FDPS: variants seen among roughly 807,000 people sequenced by gnomAD.
FDPS encodes the protein farnesyl pyrophosphate synthase.
Under a neutral mutation model 49.5 loss-of-function variants are expected in FDPS, and 29 were observed. That is an observed-to-expected ratio of 0.59 (90% CI 0.44 to 0.80). FDPS has a LOEUF of 0.80. Among genes scored for constraint, FDPS ranks in the 30% least tolerant of loss-of-function variants. FDPS has a pLI of 0.00. For synonymous variants in FDPS, 172 were observed against 206.4 expected (o/e 0.83, Z 1.43); for missense variants, 414 against 525.6 (o/e 0.79, Z 2.08).
rs768535780 is a variant in FDPS, at chr1:155,318,870, T to C, written c.788T>C (p.Val263Ala). 1.2e-6 allele frequency: 2 copies of C among 1,613,576 alleles called. No individual in the cohort carries two copies. Among genetic ancestry groups the C allele is most frequent in the South Asian group, 1.1e-5 (1 of 91,064 alleles). The change falls in exon 8 of 11, where the codon GTC (valine) becomes GCC (alanine). Residue 263 changes from valine to alanine, a missense_variant. Coordinates refer to ENST00000368356, the MANE Select transcript of FDPS (RefSeq NM_002004.4). The surrounding 1 kb of genome is among the most constrained non-coding windows in gnomAD (Gnocchi z 4.2). ...CCCTTACTCAGGTACAAATCTATTG[T>C]CAAGTACAAGACAGCTTTCTACTCC... ...RFTEKRYKSI[V>A]KYKTAFYSFY...
chr1:155,315,712 A>C (rs1243229745), intron 4 of FDPS, among the ~76,000 whole-genome samples: 2 of 151,246 alleles, frequency 1.3e-5, no homozygotes, highest in Non-Finnish European at 2.9e-5. Flanking sequence ...AAAAACAAAA[A>C]AAAAATTAGC....
chr1:155,315,867 CAA>C (rs1267885482), intron 4 of FDPS, among the ~76,000 whole-genome samples: 2 of 129,404 alleles, frequency 1.5e-5, no homozygotes. Flanking sequence ...AACTCCATCT[CAA>C]AAAAAAAAAA....
rs767089792 is a variant in FDPS, at chr1:155,310,248, T to C, written c.339+43T>C. On this transcript the variant is annotated intron_variant, in intron 3 of 10. Coordinates refer to ENST00000368356, the MANE Select transcript of FDPS (RefSeq NM_002004.4). ...TGGGGGAGTAAGGCTTTGGTTCAGT[T>C]GCTCTGTACCTGTGTGGCATTCACC... 1.2e-5 allele frequency: 19 copies of C among 1,595,184 alleles called. No homozygotes were observed. The South Asian group carries it at 2.1e-4, about 18-fold the overall frequency.
intron 3 of FDPS, 40 bp downstream of exon 3, chr1:155,310,245 A>G (rs751080220): frequency 1.2e-6 from 2 of 1,603,972 alleles, no homozygotes; most frequent in South Asian, 2.2e-5. Flanking sequence ...GCTTTGGTTC[A>G]GTTGCTCTGT....
intron 8 of FDPS, 141 bp from the exon 9 acceptor site, chr1:155,319,470 T>G: frequency 1.2e-6 from 1 of 811,850 alleles, no homozygotes; most frequent in South Asian, 1.6e-5. Flanking sequence ...CAGTCAGGAC[T>G]GTCTAGGTCA....
chr1:155,309,792 GC>G lies in FDPS; in HGVS notation c.7del (p.Leu3CysfsTer5). ...CCCCTCCCTATGCCACTCCCAGGAT[GC>G]CCCTGTCCCGCTGGTTGAGATCTGT... MPLSRWLRSVGV... is the reference protein window; with the variant it reads MXLSRWLRSVGV... On this transcript the variant is annotated frameshift_variant, in exon 2 of 11. Coordinates refer to ENST00000368356, the MANE Select transcript of FDPS (RefSeq NM_002004.4). LOFTEE classifies it high-confidence loss of function. 2.6e-6 allele frequency: 4 copies of G among 1,544,636 alleles called. No individual in the cohort carries two copies. Among genetic ancestry groups the G allele is most frequent in the Non-Finnish European group, 3.5e-6 (4 of 1,138,406 alleles).
intron 4 of FDPS, among the ~76,000 whole-genome samples, chr1:155,313,697 T>C (rs57041449): frequency 0.018 from 2,681 of 150,830 alleles, 82 homozygotes; most frequent in African/African-American, 0.059. Flanking sequence ...GGCTGAGGGG[T>C]TCAAAATATG....
At chr1:155,315,092 G>C (rs1649183318) in intron 4 of FDPS, among the ~76,000 whole-genome samples, 1 of 152,176 alleles carries the variant, frequency 6.6e-6, no homozygotes, top group Non-Finnish European at 1.5e-5. Flanking sequence ...GATGCAGATG[G>C]ATGCCTCCTT....
At chr1:155,311,842 G>A (rs1648828251) in intron 3 of FDPS, among the ~76,000 whole-genome samples, 1 of 151,996 alleles carries the variant, frequency 6.6e-6, no homozygotes, top group Non-Finnish European at 1.5e-5. Context: ...GCATGGTGGT[G>A]GGCACCTGTA....
rs1648589329 is a variant in FDPS, at chr1:155,309,805, T to A, written c.16T>A (p.Trp6Arg). ...CACTCCCAGGATGCCCCTGTCCCGC[T>A]GGTTGAGATCTGTGGGGGTCTTCCT... MPLSR[W>R]LRSVGVFLLP... Residue 6 changes from tryptophan to arginine, a missense_variant, in exon 2 of 11, where the codon TGG becomes AGG. By Grantham distance (101) the Trp-to-Arg change is moderately radical. Coordinates refer to ENST00000368356, the MANE Select transcript of FDPS (RefSeq NM_002004.4). 1 of 1,560,096 alleles carries A rather than the reference T, an allele frequency of 6.4e-7. No homozygotes were observed. Among genetic ancestry groups the A allele is most frequent in the Non-Finnish European group, 8.7e-7 (1 of 1,146,368 alleles).
chr1:155,310,217 A>C lies in FDPS; in HGVS notation c.339+12A>C. 1 of 1,613,364 alleles carries C rather than the reference A, an allele frequency of 6.2e-7. No homozygotes were observed. Among genetic ancestry groups the C allele is most frequent in the Non-Finnish European group, 8.5e-7 (1 of 1,179,628 alleles). On this transcript the variant is annotated intron_variant, in intron 3 of 10. Transcript: ENST00000368356. Reference sequence around the variant, plus strand: ...CCCGGCTCAAGGAGGTGAGGGATTCATGACTTGGGGGAGTAAGGCTTTGGT... The same window carrying C: ...CCCGGCTCAAGGAGGTGAGGGATTCCTGACTTGGGGGAGTAAGGCTTTGGT...
Position 155,318,458 on chromosome 1 carries a change from G to C in FDPS, c.684+167G>C, listed in dbSNP as rs543039799. ...GTGGGGTTGTGGTAGTGGCAAGAAA[G>C]GGCTTCTCTGTCCTGTGTAATTGGA... On this transcript the variant is annotated intron_variant, in intron 6 of 10. Coordinates refer to ENST00000368356, the MANE Select transcript of FDPS (RefSeq NM_002004.4). The surrounding 1 kb of genome is among the most constrained non-coding windows in gnomAD (Gnocchi z 4.2). 10 of 893,090 alleles carry C rather than the reference G, an allele frequency of 1.1e-5. No homozygotes were observed. Among genetic ancestry groups the C allele is most frequent in the African/African-American group, 3.3e-5 (2 of 59,898 alleles). The allele number at this position is 893,090 out of a possible 1,614,324, so 55.3% of individuals were successfully genotyped here. A position where few individuals can be genotyped will look rare whatever the true frequency, so the allele number is the denominator to read the frequency against.
intron 1 of FDPS, 150 bp from the exon 2 acceptor site, chr1:155,309,636 CTGT>C: frequency 1.6e-6 from 1 of 632,446 alleles, no homozygotes; most frequent in Non-Finnish European, 2.6e-6. Flanking sequence ...CGTATCCTTC[CTGT>C]AATTGTCCCC....
intron 1 of FDPS, chr1:155,309,347 CAG>C (rs1170066872): frequency 6.5e-6 from 1 of 154,124 alleles, no homozygotes; most frequent in Non-Finnish European, 1.4e-5. Flanking sequence ...GGGCGTAACT[CAG>C]ACCCTGGGCA....
At chr1:155,320,010 C>T (rs1175525213) in intron 10 of FDPS, 82 bp downstream of exon 10, 14 of 1,508,888 alleles carry the variant, frequency 9.3e-6, no homozygotes, top group East Asian at 2.3e-5. Flanking sequence ...GTTTTCCTCC[C>T]GAGGGGACAT....
At chr1:155,311,163 C>T (rs1377112115) in intron 3 of FDPS, among the ~76,000 whole-genome samples, 8 of 152,004 alleles carry the variant, frequency 5.3e-5, no homozygotes, top group African/African-American at 1.9e-4. Context: ...CATGGTGAAA[C>T]CCCCGTCTCT....
Position 155,318,205 on chromosome 1 carries a change from C to A in FDPS, c.598C>A (p.Leu200Ile). 1.2e-6 allele frequency: 2 copies of A among 1,614,056 alleles called. No homozygotes were observed. Among genetic ancestry groups the A allele is most frequent in the Non-Finnish European group, 1.7e-6 (2 of 1,179,982 alleles). ...VGLDAINDAN[L>I]LEACIYRLLK... ...TTTGGATGCCATCAATGATGCTAAC[C>A]TCCTGGAAGCATGTATCTACCGCCT... The change falls in exon 6 of 11, where the codon CTC becomes ATC. Residue 200 changes from leucine (L) to isoleucine (I), a missense_variant. Leu to Ile is a conservative substitution (Grantham distance 5). Coordinates refer to ENST00000368356, the MANE Select transcript of FDPS (RefSeq NM_002004.4). The surrounding 1 kb of genome is among the most constrained non-coding windows in gnomAD (Gnocchi z 4.2).
Position 155,309,777 on chromosome 1 carries a change from T to C in FDPS, c.-1-12T>C, listed in dbSNP as rs1279714417. On this transcript the variant is annotated splice_polypyrimidine_tract_variant and intron_variant, in intron 1 of 10. Coordinates refer to ENST00000368356, the MANE Select transcript of FDPS (RefSeq NM_002004.4). The stretch of plus-strand genomic sequence containing the variant: ...GGGAGTGCTTAGTGCCCCCTCCCTA[T>C]GCCACTCCCAGGATGCCCCTGTCCC... 6.5e-7 allele frequency: 1 copy of C among 1,531,240 alleles called. No individual in the cohort carries two copies. Among genetic ancestry groups the C allele is most frequent in the Admixed American group, 1.9e-5 (1 of 51,642 alleles). The allele number at this position is 1,531,240 out of a possible 1,614,324, so 94.9% of individuals were successfully genotyped here.
rs61740152 is a variant in FDPS at position 155,320,470 on chromosome 1, T to A, written c.1121T>A (p.Leu374Gln). Residue 374 changes from leucine (L) to glutamine (Q), a missense_variant, in exon 11 of 11, where the codon CTG becomes CAG. By Grantham distance (113) the Leu-to-Gln change is moderately radical. Transcript: ENST00000368356. ...CGGGTGAAGGCGCTATATGAGGAGC[T>A]GGATCTGCCAGCAGTGTTCTTGCAA... ...VARVKALYEELDLPAVFLQYE... is the reference protein window; with the variant it reads ...VARVKALYEEQDLPAVFLQYE... 3,520 of 1,613,886 alleles carry A rather than the reference T, an allele frequency of 2.2e-3. 7 individuals are homozygous for A. Among genetic ancestry groups the A allele is most frequent in the Non-Finnish European group, 2.6e-3 (3,125 of 1,180,026 alleles).
Sources: allele counts gnomAD v4.1 joint callset (sites outside exome capture counted in the v4.1 genomes callset), GRCh38; gene constraint gnomAD v4.1.1; non-coding constraint Gnocchi (gnomAD v3.1); transcripts MANE v1.5; gene names NCBI Gene and HGNC (gene_info 2026-07-23, HGNC 2026-07-21).